DZIP1: variants seen among roughly 807,000 people sequenced by gnomAD.
DZIP1 encodes the protein cilium assembly protein DZIP1.
A neutral mutation model predicts 107.6 loss-of-function variants in DZIP1; 97 were observed. That is an observed-to-expected ratio of 0.90 (90% confidence interval 0.77 to 1.07). The LOEUF (loss-of-function observed/expected upper bound fraction) is 1.07, where lower values mean the gene tolerates loss of function less well. Among genes scored for constraint, DZIP1 ranks in the 50% least tolerant of loss-of-function variants. The pLI is 0.00. For missense variants in DZIP1, 1,035 were observed against 1,063.6 expected (o/e 0.97, Z 0.37); for synonymous variants, 390 against 386.4 (o/e 1.01, Z -0.11).
At position 95,624,754 on chromosome 13, in the gene DZIP1, G is replaced by T; in HGVS notation, c.972+14C>A. 6.3e-7 allele frequency: 1 copy of T among 1,581,910 alleles called. No homozygotes were observed. The highest frequency in any genetic ancestry group is 8.6e-7 in the Non-Finnish European group (1 of 1,159,862). On this transcript the variant is annotated intron_variant, in intron 8 of 22. Transcript: ENST00000376829. ...GCAATCAATACCATAAGAACTTCTA[G>T]GTTTAATACTTACATATTCTAATGC...
chr13:95,578,872 G>A lies in DZIP1; in HGVS notation c.*3362C>T, dbSNP rs1448494898. 6.6e-6 allele frequency: 1 copy of A among 152,204 alleles called. No homozygotes were observed. 9.4% of individuals were successfully genotyped at this position (152,204 alleles called of 1,614,324 possible). On this transcript the variant is annotated 3_prime_UTR_variant, in exon 23 of 23. Coordinates refer to ENST00000376829, the MANE Select transcript of DZIP1 (RefSeq NM_198968.4). ...TATGACTGCTCCAGGAAGGGCTAAT[G>A]GGGCCAATATATTATTGCCTGTCAT... is the stretch of plus-strand genomic sequence containing the variant.
intron 22 of DZIP1, chr13:95,584,429 A>T: frequency 3.9e-6 from 1 of 254,126 alleles, no homozygotes; most frequent in Non-Finnish European, 6.3e-6. Flanking sequence ...CTAGAAGGTT[A>T]AGGTTGCAGT....
chr13:95,590,423 T>C lies in DZIP1; in HGVS notation c.1699A>G (p.Ser567Gly). The C allele has an allele frequency of 6.2e-7, 1 of 1,606,920 alleles. No individual in the cohort carries two copies. The highest frequency in any genetic ancestry group is 8.5e-7 in the Non-Finnish European group (1 of 1,178,172). ...GINADIRGISSDQLHRVLKSV... is the reference protein window; with the variant it reads ...GINADIRGISGDQLHRVLKSV... The stretch of plus-strand genomic sequence containing the variant: ...TTTAGTACTCTATGCAACTGATCAC[T>C]TGAAATGCCACGTATATCCTGAAAG... Residue 567 changes from serine (S) to glycine (G), a missense_variant, in exon 17 of 23, where the codon AGT becomes GGT. Physicochemically the swap from Ser to Gly is moderately conservative, Grantham distance 56. Coordinates refer to ENST00000376829, the MANE Select transcript of DZIP1 (RefSeq NM_198968.4).
intron 8 of DZIP1, 99 bp from the exon 9 acceptor site, chr13:95,622,579 CT>C: frequency 1.4e-6 from 2 of 1,428,778 alleles, no homozygotes; most frequent in Non-Finnish European, 1.9e-6. Flanking sequence ...TTAAATCTGA[CT>C]GCCCTCTTGG....
At chr13:95,582,538 C>T (rs1476597895) in intron 22 of DZIP1, among the ~76,000 whole-genome samples, 8 of 152,146 alleles carry the variant, frequency 5.3e-5, no homozygotes, top group African/African-American at 1.9e-4. Flanking sequence ...CCCTTGGATG[C>T]AAGCTTCTGC....
chr13:95,603,308 A>C (rs1448272726), intron 14 of DZIP1, among the ~76,000 whole-genome samples: 1 of 60,894 alleles, frequency 1.6e-5, no homozygotes, highest in Admixed American at 1.6e-4. Context: ...CCCAGTCTCA[A>C]AAAAAAAAAA....
chr13:95,595,545 A>G (rs1296358941), intron 15 of DZIP1, among the ~76,000 whole-genome samples: 2 of 152,140 alleles, frequency 1.3e-5, no homozygotes. Flanking sequence ...AAATATTCTG[A>G]AACCACCAAA....
rs181905345 is a variant in DZIP1 at position 95,593,924 on chromosome 13, C to T, written c.1680+20G>A. 524 of 1,579,596 alleles carry T rather than the reference C, an allele frequency of 3.3e-4. 2 individuals are homozygous for T. The African/African-American group carries it at 6.5e-3, about 19-fold the overall frequency. ...AAACACAGCAAAACTAACAAATATT[C>T]CAAAAATGAATGAACATACTGCATT... On this transcript the variant is annotated intron_variant, in intron 16 of 22. Transcript: ENST00000376829.
rs1329475112 is a variant in DZIP1 at position 95,580,603 on chromosome 13, T to C, written c.*1631A>G. 6.6e-6 allele frequency: 1 copy of C among 152,180 alleles called. No individual in the cohort carries two copies. Among genetic ancestry groups the C allele is most frequent in the African/African-American group, 2.4e-5 (1 of 41,430 alleles). The allele number at this position is 152,180 out of a possible 1,614,324, so 9.4% of individuals were successfully genotyped here. On this transcript the variant is annotated 3_prime_UTR_variant, in exon 23 of 23. Transcript: ENST00000376829. Reference sequence around the variant, plus strand: ...GTTTCTCACACCTTTAGGATGAGGATTATAACAATAACTACATCGCAAAGT... The same window carrying C: ...GTTTCTCACACCTTTAGGATGAGGACTATAACAATAACTACATCGCAAAGT...
intron 19 of DZIP1, among the ~76,000 whole-genome samples, chr13:95,588,312 CTA>C (rs1230127377): frequency 6.6e-6 from 1 of 152,192 alleles, no homozygotes; most frequent in Non-Finnish European, 1.5e-5. Flanking sequence ...AATGCTCTTC[CTA>C]TGAGATTACG....
At chr13:95,613,032 G>C (rs1786658199) in intron 10 of DZIP1, among the ~76,000 whole-genome samples, 1 of 152,008 alleles carries the variant, frequency 6.6e-6, no homozygotes, top group Non-Finnish European at 1.5e-5. Context: ...GGGAAAGAAA[G>C]GGAGAGATGC....
chr13:95,624,990 A>C, intron 7 of DZIP1, 61 bp from the exon 8 acceptor site: 1 of 1,420,468 alleles, frequency 7.0e-7, no homozygotes, highest in Non-Finnish European at 9.5e-7. Flanking sequence ...AGCAATATTT[A>C]AAATAAAAGT....
intron 10 of DZIP1, among the ~76,000 whole-genome samples, chr13:95,612,938 A>G (rs2045060721): frequency 6.6e-6 from 1 of 152,022 alleles, no homozygotes; most frequent in African/African-American, 2.4e-5. Context: ...GGCCCTCAGC[A>G]GGTTCTCTGA....
intron 5 of DZIP1, among the ~76,000 whole-genome samples, chr13:95,636,453 G>A (rs1243953847): frequency 2.0e-5 from 3 of 148,596 alleles, no homozygotes; most frequent in African/African-American, 7.4e-5. Context: ...TGAGGCCGGA[G>A]AATCGCTTGA....
chr13:95,629,234 G>T (rs1433303465), intron 7 of DZIP1, among the ~76,000 whole-genome samples: 2 of 152,224 alleles, frequency 1.3e-5, no homozygotes, highest in African/African-American at 4.8e-5. Flanking sequence ...GTACACCAAG[G>T]TCAACCCTCT....
intron 15 of DZIP1, among the ~76,000 whole-genome samples, chr13:95,597,464 T>C (rs990501949): frequency 6.6e-6 from 1 of 152,206 alleles, no homozygotes; most frequent in Non-Finnish European, 1.5e-5. Flanking sequence ...AGAACTCAAA[T>C]AGGGTAAGAT....
At chr13:95,610,283 T>C (rs989984192) in intron 12 of DZIP1, among the ~76,000 whole-genome samples, 9 of 151,280 alleles carry the variant, frequency 5.9e-5, no homozygotes, top group Admixed American at 5.9e-4. Context: ...CAAGCCTTTA[T>C]AGCACTTTAG....
rs1875582498 is a variant in DZIP1, at chr13:95,619,734, A to T, written c.1173+151T>A. ...TTATAAGAAAGTAGTAGCAGTGGTT[A>T]TTTTGGTGTTAGAATTATAGGTAAT... On this transcript the variant is annotated intron_variant, in intron 10 of 22. Coordinates refer to ENST00000376829, the MANE Select transcript of DZIP1 (RefSeq NM_198968.4). The T allele has an allele frequency of 7.4e-6, 5 of 672,048 alleles. No homozygotes were observed. In the Admixed American group the frequency reaches 1.4e-4, roughly 19 times the overall value. 41.6% of individuals were successfully genotyped at this position (672,048 alleles called of 1,614,324 possible). A position where few individuals can be genotyped will look rare whatever the true frequency, so the allele number is the denominator to read the frequency against.
chr13:95,599,132 T>C (rs1310032384), intron 15 of DZIP1, among the ~76,000 whole-genome samples: 1 of 152,192 alleles, frequency 6.6e-6, no homozygotes, highest in Non-Finnish European at 1.5e-5. Flanking sequence ...ACAAAAAATT[T>C]CTTATTTTAT....
Sources: allele counts gnomAD v4.1 joint callset (sites outside exome capture counted in the v4.1 genomes callset), GRCh38; gene constraint gnomAD v4.1.1; transcripts MANE v1.5; gene names NCBI Gene and HGNC (gene_info 2026-07-23, HGNC 2026-07-21).